Variants in STK32A observed in about 807,000 individuals in gnomAD.
STK32A encodes serine/threonine-protein kinase 32A.
STK32A carries 41 observed loss-of-function variants against 53.2 expected under a neutral mutation model. That is an observed-to-expected ratio of 0.77 (90% CI 0.60 to 1.00). STK32A has a LOEUF of 1.00. Ranked by LOEUF, STK32A falls within the 50% of genes least tolerant of loss-of-function variation. The probability of loss-of-function intolerance (pLI) is 0.00; values close to 1 mark genes in which losing one functional copy is unlikely to be tolerated. For synonymous variants in STK32A, 166 were observed against 162.8 expected, an observed-to-expected ratio of 1.02 and a Z score of -0.15; for missense variants, 458 against 485.8, an observed-to-expected ratio of 0.94 and a Z score of 0.54.
At chr5:147,334,986 A>G (rs1755047611) in intron 5 of STK32A, among the ~76,000 whole-genome samples, 2 of 152,216 alleles carry the variant, frequency 1.3e-5, no homozygotes, top group African/African-American at 4.8e-5. Context: ...CCTATGGTAA[A>G]GTTTGATTCA....
rs1316324798 is a variant in STK32A at position 147,387,824 on chromosome 5, ATG to A, written c.*3845_*3846del. 1 of 152,190 alleles carries A rather than the reference ATG, an allele frequency of 6.6e-6. No homozygotes were observed. The highest frequency in any genetic ancestry group is 1.5e-5 in the Non-Finnish European group (1 of 68,042). The allele number at this position is 152,190 out of a possible 1,614,324, so 9.4% of individuals were successfully genotyped here. On this transcript the variant is annotated 3_prime_UTR_variant, in exon 13 of 13. Coordinates refer to ENST00000397936, the MANE Select transcript of STK32A (RefSeq NM_001112724.2). The stretch of plus-strand genomic sequence containing the variant: ...TAGCATATATAATATAAATGTGCCT[ATG>A]TGTATTAAAATGTCTTCTGTAAACA...
At chr5:147,284,566 G>A (rs534523418) in intron 4 of STK32A, among the ~76,000 whole-genome samples, 16 of 151,828 alleles carry the variant, frequency 1.1e-4, no homozygotes, top group Non-Finnish European at 1.8e-4. Flanking sequence ...CAAAGTTTCC[G>A]GATACAAGAT....
intron 2 of STK32A, among the ~76,000 whole-genome samples, chr5:147,241,233 C>CT (rs1753557028): frequency 6.6e-6 from 1 of 152,178 alleles, no homozygotes; most frequent in Admixed American, 6.5e-5. Flanking sequence ...AATCCCAGCA[C>CT]TTTGGGAGGC....
At chr5:147,245,242 G>A (rs1753728557) in intron 2 of STK32A, among the ~76,000 whole-genome samples, 2 of 152,190 alleles carry the variant, frequency 1.3e-5, no homozygotes, top group South Asian at 2.1e-4. Flanking sequence ...GTCCCAAACT[G>A]ACTAATAAGT....
chr5:147,380,019 A>C (rs1239240165), intron 11 of STK32A, among the ~76,000 whole-genome samples: 2 of 152,070 alleles, frequency 1.3e-5, no homozygotes, highest in African/African-American at 4.8e-5. Flanking sequence ...TTGAACATGA[A>C]CCCTTTAAGG....
chr5:147,357,142 AAATT>A lies in STK32A; in HGVS notation c.563-4366_563-4363del, dbSNP rs558857468. On this transcript the variant is annotated intron_variant, in intron 7 of 12. Transcript: ENST00000397936. ...ATATGCAATTTTTACTTCTTAATTA[AAATT>A]AATTAATTTGATTAATTAAAAGAGC... is the stretch of plus-strand genomic sequence containing the variant. Among the ~76,000 whole-genome samples, 6 of 152,164 alleles carry A rather than the reference AAATT, an allele frequency of 3.9e-5. No individual in the cohort carries two copies. The South Asian group carries it at 1.2e-3, about 31-fold the overall frequency.
intron 2 of STK32A, among the ~76,000 whole-genome samples, chr5:147,275,156 T>G (rs1339776041): frequency 6.6e-6 from 1 of 152,192 alleles, no homozygotes; most frequent in Non-Finnish European, 1.5e-5. Flanking sequence ...AGATTTCTGT[T>G]GACAAAATAA....
intron 4 of STK32A, among the ~76,000 whole-genome samples, chr5:147,299,194 A>G (rs1753011454): frequency 6.6e-6 from 1 of 152,154 alleles, no homozygotes; most frequent in Non-Finnish European, 1.5e-5. Flanking sequence ...AATATGCCAA[A>G]CAAGGGGTGG....
At chr5:147,287,271 AT>A (rs1752389060) in intron 4 of STK32A, among the ~76,000 whole-genome samples, 2 of 152,028 alleles carry the variant, frequency 1.3e-5, no homozygotes, top group African/African-American at 4.8e-5. Context: ...CCTTCATTTT[AT>A]TTTACATTTT....
the STK32A span, chr5:147,401,566 C>T: frequency 4.3e-5 from 69 of 1,613,200 alleles, no homozygotes; most frequent in East Asian, 6.7e-5. Flanking sequence ...TGATGTAGTC[C>T]GGAGTAGTTG....
intron 5 of STK32A, among the ~76,000 whole-genome samples, chr5:147,340,399 A>T (rs1052853264): frequency 2.0e-5 from 3 of 152,188 alleles, no homozygotes; most frequent in Admixed American, 6.5e-5. Context: ...ATTATAGACT[A>T]CTGTCAATGA....
chr5:147,316,536 A>G (rs999103944), intron 4 of STK32A, among the ~76,000 whole-genome samples: 4 of 152,226 alleles, frequency 2.6e-5, no homozygotes, highest in Admixed American at 2.0e-4. Context: ...AAGAATAATG[A>G]CATCAAACCC....
intron 4 of STK32A, among the ~76,000 whole-genome samples, chr5:147,291,897 A>G (rs1356718106): frequency 6.6e-6 from 1 of 152,232 alleles, no homozygotes; most frequent in Non-Finnish European, 1.5e-5. Flanking sequence ...AAGTGCAACA[A>G]AAATAATGAA....
intron 5 of STK32A, among the ~76,000 whole-genome samples, chr5:147,339,882 T>C (rs945593436): frequency 6.6e-6 from 1 of 152,218 alleles, no homozygotes; most frequent in African/African-American, 2.4e-5. Context: ...GTAACTAACT[T>C]ACTTTTGATT....
chr5:147,312,907 T>C (rs1391102617), intron 4 of STK32A, among the ~76,000 whole-genome samples: 1 of 152,088 alleles, frequency 6.6e-6, no homozygotes, highest in East Asian at 1.9e-4. Flanking sequence ...ATAATGACAT[T>C]AGACTGCCCA....
chr5:147,301,091 C>T (rs780994990), intron 4 of STK32A, among the ~76,000 whole-genome samples: 23 of 152,208 alleles, frequency 1.5e-4, no homozygotes, highest in Admixed American at 2.6e-4. Flanking sequence ...CACTTTTATG[C>T]CATCTTGAGG....
Position 147,383,515 on chromosome 5 carries a change from T to A in STK32A, c.1097+10T>A. ...TTTTCAACAGAGAAAAGTAAGTAAT[T>A]CCTGGGAGAACAACAGCCCCAGAAA... On this transcript the variant is annotated intron_variant, in intron 12 of 12. Coordinates refer to ENST00000397936, the MANE Select transcript of STK32A (RefSeq NM_001112724.2). 6.3e-7 allele frequency: 1 copy of A among 1,578,954 alleles called. No homozygotes were observed. Among genetic ancestry groups the A allele is most frequent in the Non-Finnish European group, 8.6e-7 (1 of 1,160,860 alleles).
the STK32A span, among the ~76,000 whole-genome samples, chr5:147,394,722 G>A: frequency 1.3e-5 from 2 of 150,988 alleles, no homozygotes; most frequent in Non-Finnish European, 2.9e-5. Context: ...AATTGCTTAT[G>A]ACTAGCAGAA....
intron 7 of STK32A, among the ~76,000 whole-genome samples, chr5:147,358,620 G>T (rs1756361808): frequency 6.6e-6 from 1 of 152,042 alleles, no homozygotes; most frequent in South Asian, 2.1e-4. Flanking sequence ...TAGCAACTTG[G>T]ATAAATCTTA....
Sources: allele counts gnomAD v4.1 joint callset (sites outside exome capture counted in the v4.1 genomes callset), GRCh38; gene constraint gnomAD v4.1.1; transcripts MANE v1.5; gene names NCBI Gene and HGNC (gene_info 2026-07-23, HGNC 2026-07-21).